The following CDH13 variants were observed in gnomAD, a reference collection of about 807,000 sequenced individuals.
CDH13 encodes cadherin-13.
In CDH13, 24 loss-of-function variants were observed where a neutral mutation model predicts 63.8. The observed-to-expected ratio is 0.38, with a 90% CI of 0.27 to 0.53. The LOEUF (loss-of-function observed/expected upper bound fraction) is 0.53, where lower values mean the gene tolerates loss of function less well. Among genes scored for constraint, CDH13 ranks in the 20% least tolerant of loss-of-function variants. CDH13 has a pLI of 0.85. For missense variants in CDH13, 1,049 were observed against 903.1 expected (o/e 1.16, Z -2.07); for synonymous variants, 503 against 355.3 (o/e 1.42, Z -4.67).
intron 10 of CDH13, among the ~76,000 whole-genome samples, chr16:83,716,014 A>T (rs1012024036): frequency 1.3e-5 from 2 of 152,072 alleles, no homozygotes; most frequent in African/African-American, 4.8e-5. Context: ...CTTTAATGTC[A>T]TCTTCTTGGT....
In CDH13 at chr16:83,426,907, C is replaced by CTTTTTTTTTT. The variant is rs71148833; in HGVS notation, c.782-59547_782-59538dup. Among the ~76,000 whole-genome samples, 150 of 63,182 alleles carry CTTTTTTTTTT rather than the reference C, an allele frequency of 2.4e-3. 29 individuals carry two copies. The highest frequency in any genetic ancestry group is 6.5e-3 in the African/African-American group (92 of 14,124). The allele number at this position is 63,182 out of a possible 152,430, so 41.4% of individuals were successfully genotyped here. On this transcript the variant is annotated intron_variant, in intron 6 of 13. Transcript: ENST00000567109. The stretch of plus-strand genomic sequence containing the variant: ...TCAGAATCTATAAATATGTTTCTTT[C>CTTTTTTTTTT]TTTTTTTTTTTTTTTTTTTTTTTTT...
At chr16:82,680,174 T>C (rs1382536047) in intron 1 of CDH13, among the ~76,000 whole-genome samples, 1 of 152,190 alleles carries the variant, frequency 6.6e-6, no homozygotes, top group East Asian at 1.9e-4. Context: ...TCCTGGACAG[T>C]GCCATGAGCA....
intron 1 of CDH13, among the ~76,000 whole-genome samples, chr16:82,827,970 C>T (rs557386616): frequency 6.6e-6 from 1 of 152,108 alleles, no homozygotes; most frequent in African/African-American, 2.4e-5. Context: ...TTGCCCAATT[C>T]TGTCCCACTT....
chr16:83,478,586 C>T (rs1214114874), intron 6 of CDH13, among the ~76,000 whole-genome samples: 1 of 152,180 alleles, frequency 6.6e-6, no homozygotes, highest in Admixed American at 6.5e-5. Context: ...AACTGGGCAA[C>T]CCAGGGAAGG....
At chr16:83,315,600 A>G (rs1057024740) in intron 5 of CDH13, among the ~76,000 whole-genome samples, 2 of 151,912 alleles carry the variant, frequency 1.3e-5, no homozygotes, top group African/African-American at 4.8e-5. Flanking sequence ...GCTTCGGGGG[A>G]AAAATAAAAG....
rs1004528591 is a variant in CDH13, at chr16:83,798,301, C to A, written c.*3271C>A. 4 of 152,284 alleles carry A rather than the reference C, an allele frequency of 2.6e-5. No homozygotes were observed. The Middle Eastern group carries it at 0.01, about 388-fold the overall frequency. 9.4% of individuals were successfully genotyped at this position (152,284 alleles called of 1,614,324 possible). A position where few individuals can be genotyped will look rare whatever the true frequency, so the allele number is the denominator to read the frequency against. On this transcript the variant is annotated 3_prime_UTR_variant, in exon 14 of 14. Coordinates refer to ENST00000567109, the MANE Select transcript of CDH13 (RefSeq NM_001257.5). ...TGATCCTGGATTTAGTGCAGTTGCACCCAGGCACGAGCTCTCCAGATGATT... is the reference window on the plus strand; with the variant it reads ...TGATCCTGGATTTAGTGCAGTTGCAACCAGGCACGAGCTCTCCAGATGATT...
intron 6 of CDH13, among the ~76,000 whole-genome samples, chr16:83,379,936 TATAGAGAGAG>T (rs1340281339): frequency 1.1e-5 from 1 of 91,814 alleles, no homozygotes; most frequent in African/African-American, 4.0e-5. Context: ...TATATATATA[TATAGAGAGAG>T]AGAGAGAGAG....
intron 7 of CDH13, among the ~76,000 whole-genome samples, chr16:83,581,942 C>G (rs912143397): frequency 7.2e-5 from 11 of 152,212 alleles, no homozygotes; most frequent in Non-Finnish European, 1.3e-4. Context: ...TTCTGCTCAT[C>G]CAGAATGCAG....
chr16:82,931,662 C>A (rs1309208184), intron 2 of CDH13, among the ~76,000 whole-genome samples: 1 of 151,964 alleles, frequency 6.6e-6, no homozygotes, highest in East Asian at 1.9e-4. Flanking sequence ...GCTGGGGAGG[C>A]CTCACAATCA....
At chr16:82,804,574 C>G (rs1001861180) in intron 1 of CDH13, among the ~76,000 whole-genome samples, 9 of 152,198 alleles carry the variant, frequency 5.9e-5, no homozygotes, top group Admixed American at 4.6e-4. Flanking sequence ...ACATCTTCCT[C>G]ATTTTCCCCA....
intron 4 of CDH13, among the ~76,000 whole-genome samples, chr16:83,172,785 A>T (rs1217273215): frequency 2.0e-5 from 3 of 152,036 alleles, no homozygotes; most frequent in African/African-American, 7.2e-5. Context: ...CAAAAAACAA[A>T]CAATAAAAAA....
chr16:83,490,566 A>C (rs759465800), intron 7 of CDH13, among the ~76,000 whole-genome samples: 1 of 152,160 alleles, frequency 6.6e-6, no homozygotes, highest in Non-Finnish European at 1.5e-5. Flanking sequence ...TTCTTGAAAG[A>C]GTCTATGGCC....
chr16:83,201,605 T>G (rs1046456587), intron 4 of CDH13, among the ~76,000 whole-genome samples: 3 of 151,772 alleles, frequency 2.0e-5, no homozygotes, highest in Admixed American at 2.0e-4. Flanking sequence ...GGAATAAGAT[T>G]GAGTAACGTT....
intron 10 of CDH13, among the ~76,000 whole-genome samples, chr16:83,712,081 C>G (rs1026172269): frequency 6.6e-6 from 1 of 152,164 alleles, no homozygotes; most frequent in Non-Finnish European, 1.5e-5. Context: ...CATGAGGACA[C>G]CAGTCATATC....
intron 1 of CDH13, among the ~76,000 whole-genome samples, chr16:82,843,175 A>G (rs1232883479): frequency 6.6e-6 from 1 of 152,142 alleles, no homozygotes; most frequent in African/African-American, 2.4e-5. Flanking sequence ...TCTTTCCTAT[A>G]ATGTTCTGTG....
intron 2 of CDH13, among the ~76,000 whole-genome samples, chr16:82,903,788 C>T (rs2041550232): frequency 6.6e-6 from 1 of 152,110 alleles, no homozygotes; most frequent in Non-Finnish European, 1.5e-5. Context: ...AGAGCACCTT[C>T]ATAGGGAAGG....
chr16:83,597,082 G>A (rs1373837483), intron 7 of CDH13, among the ~76,000 whole-genome samples: 1 of 152,142 alleles, frequency 6.6e-6, no homozygotes, highest in Non-Finnish European at 1.5e-5. Context: ...AATTAGCCAG[G>A]TGTGGTGGCA....
rs1045167988 is a variant in CDH13 at position 82,892,221 on chromosome 16, A to G, written c.157+33748A>G. 2.0e-5 allele frequency among the ~76,000 whole-genome samples: 3 copies of G among 152,200 alleles called. No individual in the cohort carries two copies. In the South Asian group the frequency reaches 6.2e-4, roughly 31 times the overall value. ...GCTGACTTGAGGATTAAATGAGTTA[A>G]CACACATAACGCTTAGGATGGTGGT... is the stretch of plus-strand genomic sequence containing the variant. On this transcript the variant is annotated intron_variant, in intron 2 of 13. Coordinates refer to ENST00000567109, the MANE Select transcript of CDH13 (RefSeq NM_001257.5).
At chr16:83,720,923 C>T (rs921524881) in intron 10 of CDH13, among the ~76,000 whole-genome samples, 7 of 152,322 alleles carry the variant, frequency 4.6e-5, no homozygotes, top group Middle Eastern at 3.4e-3. Context: ...TGGCCTCTGG[C>T]AGAGCATTCC....
Sources: allele counts gnomAD v4.1 joint callset (sites outside exome capture counted in the v4.1 genomes callset), GRCh38; gene constraint gnomAD v4.1.1; transcripts MANE v1.5; gene names NCBI Gene and HGNC (gene_info 2026-07-23, HGNC 2026-07-21).